Variants in PLAAT1 observed in about 807,000 individuals in gnomAD.
PLAAT1 encodes the protein H-REV107 protein-related protein.
Under a neutral mutation model 16.4 loss-of-function variants are expected in PLAAT1, and 13 were observed. That is an observed-to-expected ratio of 0.79 (90% CI 0.52 to 1.26). PLAAT1 has a LOEUF of 1.26. PLAAT1 is among the 50% of genes most tolerant of loss of function. PLAAT1 has a pLI of 0.00. For synonymous variants in PLAAT1, 73 were observed against 78.4 expected, an observed-to-expected ratio of 0.93 and a Z score of 0.36; for missense variants, 218 against 207.8, an observed-to-expected ratio of 1.05 and a Z score of -0.30.
downstream of PLAAT1, among the ~76,000 whole-genome samples, chr3:193,275,605 C>T (rs1049002859): frequency 3.3e-5 from 5 of 152,146 alleles, no homozygotes; most frequent in African/African-American, 1.2e-4. Context: ...ACAGCAATAA[C>T]GTGCTCAAAA....
downstream of PLAAT1, among the ~76,000 whole-genome samples, chr3:193,274,185 G>A (rs541182878): frequency 5.3e-4 from 80 of 152,296 alleles, no homozygotes; most frequent in Non-Finnish European, 8.2e-4. Context: ...GGAGGTTGCA[G>A]TGAGCCAAAA....
intron 1 of PLAAT1, among the ~76,000 whole-genome samples, chr3:193,245,730 C>A (rs192958605): frequency 1.4e-3 from 216 of 152,324 alleles, no homozygotes; most frequent in African/African-American, 5.0e-3. Flanking sequence ...GCCCTTCTAA[C>A]AAGCATGAGG....
intron 2 of PLAAT1, among the ~76,000 whole-genome samples, chr3:193,257,678 G>A (rs1450792787): frequency 6.6e-6 from 1 of 152,138 alleles, no homozygotes; most frequent in Non-Finnish European, 1.5e-5. Flanking sequence ...TTGTTCCTGG[G>A]TGTGTCTGTG....
At chr3:193,246,501 G>A (rs1185520172) in intron 1 of PLAAT1, among the ~76,000 whole-genome samples, 2 of 152,042 alleles carry the variant, frequency 1.3e-5, no homozygotes, top group South Asian at 2.1e-4. Flanking sequence ...CAAGTAGTTA[G>A]GACCACAGGC....
chr3:193,250,692 C>CT (rs1201300998), intron 1 of PLAAT1, among the ~76,000 whole-genome samples: 1 of 151,940 alleles, frequency 6.6e-6, no homozygotes, highest in Non-Finnish European at 1.5e-5. Flanking sequence ...GACTGCTCTC[C>CT]TGTCTGAACA....
chr3:193,276,394 C>G (rs895667903), intron 2 of PLAAT1, among the ~76,000 whole-genome samples: 5 of 152,198 alleles, frequency 3.3e-5, no homozygotes, highest in Admixed American at 1.3e-4. Context: ...GGCAGTTCTT[C>G]ACTCTAAAAA....
chr3:193,248,146 A>AT (rs1441565559), intron 1 of PLAAT1, among the ~76,000 whole-genome samples: 2 of 152,152 alleles, frequency 1.3e-5, no homozygotes, highest in Non-Finnish European at 2.9e-5. Context: ...CCCCTTCATC[A>AT]TTATATAATA....
At chr3:193,258,193 C>A (rs1414002487) in intron 2 of PLAAT1, among the ~76,000 whole-genome samples, 1 of 152,112 alleles carries the variant, frequency 6.6e-6, no homozygotes, top group African/African-American at 2.4e-5. Context: ...GGGCAGAAAT[C>A]AAAAAGTTAT....
chr3:193,245,190 C>T (rs558396863), intron 1 of PLAAT1, among the ~76,000 whole-genome samples: 20 of 152,280 alleles, frequency 1.3e-4, no homozygotes, highest in African/African-American at 4.6e-4. Flanking sequence ...CACTTCTTCC[C>T]TTTCCTCATT....
intron 1 of PLAAT1, among the ~76,000 whole-genome samples, chr3:193,250,598 T>A (rs927753921): frequency 6.6e-6 from 1 of 152,100 alleles, no homozygotes; most frequent in Admixed American, 6.5e-5. Context: ...GAGCACTCCG[T>A]GTGTATGGAA....
upstream of PLAAT1, chr3:193,241,013 G>A (rs1385374207): frequency 1.6e-5 from 6 of 378,224 alleles, no homozygotes; most frequent in South Asian, 1.4e-4. Flanking sequence ...GGAGCCGGGG[G>A]CGGAATAACT....
At chr3:193,277,495 T>C (rs1717275036) in intron 2 of PLAAT1, 1 of 152,322 alleles carries the variant, frequency 6.6e-6, no homozygotes, top group South Asian at 2.1e-4. Flanking sequence ...GGAATATTTA[T>C]GGCTGACTGC....
At chr3:193,276,266 TA>T (rs1333595851) in intron 2 of PLAAT1, among the ~76,000 whole-genome samples, 1 of 152,190 alleles carries the variant, frequency 6.6e-6, no homozygotes, top group African/African-American at 2.4e-5. Flanking sequence ...ACTAAGTGGG[TA>T]AAGTCATTTA....
At chr3:193,280,976 C>A (rs1463560573), downstream of PLAAT1, among the ~76,000 whole-genome samples, 3 of 152,174 alleles carry the variant, frequency 2.0e-5, no homozygotes, top group South Asian at 2.1e-4. Flanking sequence ...GAACAGAGTT[C>A]TGTTTTCATC....
intron 1 of PLAAT1, among the ~76,000 whole-genome samples, chr3:193,255,247 T>C (rs1342691664): frequency 2.6e-5 from 4 of 152,178 alleles, no homozygotes; most frequent in African/African-American, 9.7e-5. Flanking sequence ...ATATTATATG[T>C]TTACTTTCCT....
At chr3:193,263,967 A>C (rs1028332474) in intron 3 of PLAAT1, among the ~76,000 whole-genome samples, 8 of 152,168 alleles carry the variant, frequency 5.3e-5, no homozygotes, top group African/African-American at 1.9e-4. Context: ...TGGATATATA[A>C]AACTATTATC....
At chr3:193,244,773 C>T (rs987395048) in intron 1 of PLAAT1, among the ~76,000 whole-genome samples, 5 of 152,062 alleles carry the variant, frequency 3.3e-5, no homozygotes, top group Non-Finnish European at 7.4e-5. Flanking sequence ...GAGTATGCTA[C>T]CTTGCTAGCT....
intron 3 of PLAAT1, among the ~76,000 whole-genome samples, chr3:193,266,208 G>T (rs1218725850): frequency 6.6e-6 from 1 of 152,116 alleles, no homozygotes; most frequent in African/African-American, 2.4e-5. Context: ...TCATGGTGGA[G>T]GTGATGGATA....
upstream of PLAAT1, chr3:193,241,191 G>A (rs1715718574): frequency 4.9e-6 from 6 of 1,220,176 alleles, no homozygotes; most frequent in Non-Finnish European, 6.1e-6. Context: ...ACTGTGCCCC[G>A]CCTCCTGGGC....
Sources: allele counts gnomAD v4.1 joint callset (sites outside exome capture counted in the v4.1 genomes callset), GRCh38; gene constraint gnomAD v4.1.1; transcripts MANE v1.5; gene names NCBI Gene and HGNC (gene_info 2026-07-23, HGNC 2026-07-21).